The following RNF138 variants were observed in gnomAD, a reference collection of about 807,000 sequenced individuals.
RNF138 encodes E3 ubiquitin-protein ligase RNF138.
In RNF138, 12 loss-of-function variants were observed where a neutral mutation model predicts 31.0. That is an observed-to-expected ratio of 0.39 (90% CI 0.25 to 0.63). The LOEUF (loss-of-function observed/expected upper bound fraction) is 0.63. RNF138 is among the 20% of genes least tolerant of loss of function. The probability of loss-of-function intolerance (pLI) is 0.52; values close to 1 mark genes in which losing one functional copy is unlikely to be tolerated. For missense variants in RNF138, 192 were observed against 300.1 expected (o/e 0.64, Z 2.66); for synonymous variants, 105 against 99.5 (o/e 1.06, Z -0.33).
At position 32,124,750 on chromosome 18, in the gene RNF138, A is replaced by G. The variant is rs1275655873; in HGVS notation, c.466A>G (p.Thr156Ala). The G allele has an allele frequency of 1.3e-6, 2 of 1,571,628 alleles. 1 individual carries two copies. The highest frequency in any genetic ancestry group is 2.7e-5 in the African/African-American group (2 of 74,018). Reference sequence around the variant, plus strand: ...GTTTTATAGTTCTTCTGGTCATCCTACTTTTAAGTGTCCCCTGTGTCAAGA... The same window carrying G: ...GTTTTATAGTTCTTCTGGTCATCCTGCTTTTAAGTGTCCCCTGTGTCAAGA... ...QENTSSSGHPTFKCPLCQESN... is the reference protein window; with the variant it reads ...QENTSSSGHPAFKCPLCQESN... Residue 156 changes from threonine to alanine, a missense_variant, in exon 6 of 8, where the codon ACT becomes GCT. This residue lies in a region of RNF138 where 140 missense variants were observed against 251.7 expected (regional missense o/e 0.56). Transcript: ENST00000261593.
At chr18:32,115,515 T>TCA (rs2040200268) in intron 4 of RNF138, among the ~76,000 whole-genome samples, 1 of 152,136 alleles carries the variant, frequency 6.6e-6, no homozygotes, top group Non-Finnish European at 1.5e-5. Flanking sequence ...GAGGCCAAGG[T>TCA]GGGCAGATCA....
At chr18:32,112,585 T>C (rs1025749754) in intron 3 of RNF138, among the ~76,000 whole-genome samples, 2 of 152,184 alleles carry the variant, frequency 1.3e-5, no homozygotes, top group Non-Finnish European at 1.5e-5. Flanking sequence ...CTTGGGAGGC[T>C]GAGGCAGAAT....
rs945396472 is a variant in RNF138, at chr18:32,130,736, C to T, written c.*1549C>T. The T allele has an allele frequency of 6.6e-6, 1 of 152,002 alleles. No individual in the cohort carries two copies. The allele number at this position is 152,002 out of a possible 1,614,324, so 9.4% of individuals were successfully genotyped here. Reference sequence around the variant, plus strand: ...TTTGGAAGTGCAGTTTTGTAAAAACCTTTTTCAGTCAAACAGTAAAGACTT... The same window carrying T: ...TTTGGAAGTGCAGTTTTGTAAAAACTTTTTTCAGTCAAACAGTAAAGACTT... On this transcript the variant is annotated 3_prime_UTR_variant, in exon 8 of 8. Transcript: ENST00000261593.
intron 7 of RNF138, among the ~76,000 whole-genome samples, chr18:32,128,898 A>G (rs893801240): frequency 1.3e-5 from 2 of 151,896 alleles, no homozygotes; most frequent in Non-Finnish European, 2.9e-5. Flanking sequence ...TTTGTTTGTT[A>G]TTCTTGAACA....
intron 2 of RNF138, among the ~76,000 whole-genome samples, chr18:32,109,023 T>G (rs17719020): frequency 0.039 from 5,968 of 152,242 alleles, 153 homozygotes; most frequent in Non-Finnish European, 0.061. Flanking sequence ...TGCGCTCTAA[T>G]GGATATTGCC....
At chr18:32,123,599 CT>C (rs776579486) in intron 5 of RNF138, 25 bp downstream of exon 5, 2 of 1,448,502 alleles carry the variant, frequency 1.4e-6, no homozygotes, top group Non-Finnish European at 9.5e-7. Flanking sequence ...AATCCTGCCA[CT>C]TTAGCAAGTA....
intron 3 of RNF138, among the ~76,000 whole-genome samples, chr18:32,113,039 CAGTG>C (rs2040159213): frequency 6.6e-6 from 1 of 152,120 alleles, no homozygotes. Context: ...CTATTCCTCT[CAGTG>C]AGAAACTGAA....
intron 2 of RNF138, among the ~76,000 whole-genome samples, chr18:32,105,182 C>A (rs1598850582): frequency 6.6e-6 from 1 of 152,282 alleles, no homozygotes; most frequent in East Asian, 1.9e-4. Flanking sequence ...ACTTCTGCCT[C>A]CTGAGTTTAA....
intron 2 of RNF138, among the ~76,000 whole-genome samples, chr18:32,107,648 G>A (rs2040057087): frequency 1.3e-5 from 2 of 151,928 alleles, no homozygotes; most frequent in South Asian, 2.1e-4. Context: ...AGCCTCCCAA[G>A]TAGCTAGGAT....
At chr18:32,095,112 G>A (rs189180969) in intron 2 of RNF138, among the ~76,000 whole-genome samples, 1 of 152,316 alleles carries the variant, frequency 6.6e-6, no homozygotes, top group Admixed American at 6.5e-5. Flanking sequence ...GGTAATGGAG[G>A]AACAGGATTT....
At chr18:32,093,790 G>A (rs1279315220) in intron 2 of RNF138, among the ~76,000 whole-genome samples, 1 of 152,146 alleles carries the variant, frequency 6.6e-6, no homozygotes, top group African/African-American at 2.4e-5. Context: ...AGTAAGGGTT[G>A]GAAAGAGCCC....
intron 2 of RNF138, among the ~76,000 whole-genome samples, chr18:32,101,397 A>C (rs1441483033): frequency 6.6e-6 from 1 of 150,746 alleles, no homozygotes; most frequent in East Asian, 2.0e-4. Context: ...TTTTGTGTAT[A>C]TATATATATT....
At chr18:32,119,435 A>AT in intron 4 of RNF138, among the ~76,000 whole-genome samples, 1 of 150,880 alleles carries the variant, frequency 6.6e-6, no homozygotes, top group East Asian at 1.9e-4. Context: ...TATTTATTTT[A>AT]TTTTTTTGAG....
At chr18:32,125,701 A>AG (rs1366235502) in intron 6 of RNF138, among the ~76,000 whole-genome samples, 1 of 151,656 alleles carries the variant, frequency 6.6e-6, no homozygotes, top group Non-Finnish European at 1.5e-5. Context: ...GGAGGCCGAG[A>AG]GGGGAGGATT....
At chr18:32,121,477 A>G (rs536503146) in intron 4 of RNF138, among the ~76,000 whole-genome samples, 4 of 152,316 alleles carry the variant, frequency 2.6e-5, no homozygotes, top group African/African-American at 7.2e-5. Context: ...CCGGGGCAAT[A>G]AGAGCGAAAC....
chr18:32,126,994 C>G (rs2040394544), intron 7 of RNF138, among the ~76,000 whole-genome samples, 194 bp downstream of exon 7: 1 of 152,022 alleles, frequency 6.6e-6, no homozygotes. Context: ...AGTTTACTCT[C>G]CACCTCCTGT....
At chr18:32,095,346 C>A (rs553069312) in intron 2 of RNF138, among the ~76,000 whole-genome samples, 5 of 152,092 alleles carry the variant, frequency 3.3e-5, no homozygotes, top group Non-Finnish European at 5.9e-5. Flanking sequence ...ATTTTGTTTT[C>A]TTTTTTATAG....
chr18:32,107,710 G>A (rs1254040635), intron 2 of RNF138, among the ~76,000 whole-genome samples: 1 of 148,894 alleles, frequency 6.7e-6, no homozygotes, highest in Non-Finnish European at 1.5e-5. Flanking sequence ...GTCAAGACGG[G>A]GTTTCACCAT....
intron 2 of RNF138, among the ~76,000 whole-genome samples, chr18:32,097,359 T>C (rs1430529155): frequency 1.3e-5 from 2 of 152,248 alleles, no homozygotes; most frequent in Non-Finnish European, 2.9e-5. Context: ...AGGCATCTTT[T>C]AAAATGAACT....
Sources: gnomAD v4.1 joint callset for allele counts (sites outside exome capture counted in the v4.1 genomes callset) on GRCh38, gnomAD v4.1.1 for gene constraint, gnomAD v4.1.1 regional missense constraint, MANE v1.5 for transcripts, NCBI Gene and HGNC (gene_info 2026-07-23, HGNC 2026-07-21) for gene names.